The following ABCA4 variants were observed in gnomAD, a reference collection of about 807,000 sequenced individuals.
The protein encoded by ABCA4 is retinal-specific phospholipid-transporting ATPase ABCA4.
In ABCA4, 196 loss-of-function variants were observed where a neutral mutation model predicts 263.7. The ratio of observed to expected loss-of-function variants is 0.74; its 90% CI spans 0.66 to 0.84. ABCA4 has a LOEUF of 0.84. ABCA4 is among the 40% of genes least tolerant of loss of function. ABCA4 has a pLI of 0.00. For synonymous variants in ABCA4, 1,133 were observed against 1,094.2 expected, an observed-to-expected ratio of 1.04 and a Z score of -0.70; for missense variants, 2,792 against 2,855.1, an observed-to-expected ratio of 0.98 and a Z score of 0.50.
chr1:94,032,146 T>A, intron 26 of ABCA4, 103 bp from the exon 27 acceptor site: 1 of 1,410,342 alleles, frequency 7.1e-7, no homozygotes, highest in Non-Finnish European at 9.9e-7. Flanking sequence ...CCTCTTCATT[T>A]AAGTCAGCAA....
At position 94,014,721 on chromosome 1, in the gene ABCA4, G is replaced by A. The variant is rs946393603; in HGVS notation, c.5313-31C>T. The A allele has an allele frequency of 1.9e-6, 3 of 1,613,798 alleles. No individual in the cohort carries two copies. The African/African-American group carries it at 4.0e-5, about 22-fold the overall frequency. ...TGAAATGAGACAACTCAGAGTGATG[G>A]AGTTCCACATTCCATTCCACCTACA... On this transcript the variant is annotated intron_variant, in intron 37 of 49. Transcript: ENST00000370225.
At chr1:94,078,736 C>T (rs1461608400) in intron 9 of ABCA4, 30 bp from the exon 10 acceptor site, 2 of 1,493,170 alleles carry the variant, frequency 1.3e-6, no homozygotes, top group South Asian at 1.1e-5. Context: ...AAGACAGAGA[C>T]ACGAACAGAG....
chr1:94,026,265 C>G (rs1472766265), intron 30 of ABCA4, among the ~76,000 whole-genome samples: 2 of 152,226 alleles, frequency 1.3e-5, no homozygotes, highest in African/African-American at 4.8e-5. Flanking sequence ...TCACTCTTTT[C>G]ACCTTGTTTC....
chr1:93,996,165 C>T lies in ABCA4; in HGVS notation c.6760G>A (p.Glu2254Lys). ...GGGTGCAGAGGGAGGTCATGACTTT[C>T]AGTCTGCTGTTTAGCAAAATTTACA... Reference protein sequence around the residue: ...VFVNFAKQQTESHDLPLHPRA... With the variant: ...VFVNFAKQQTKSHDLPLHPRA... The change falls in exon 49 of 50, where the codon GAA (glutamate) becomes AAA (lysine). Residue 2254 changes from glutamate to lysine, a missense_variant. Physicochemically the swap from Glu to Lys is moderately conservative, Grantham distance 56 (BLOSUM62 1). Coordinates refer to ENST00000370225, the MANE Select transcript of ABCA4 (RefSeq NM_000350.3). The T allele has an allele frequency of 6.2e-7, 1 of 1,614,056 alleles. No homozygotes were observed. The highest frequency in any genetic ancestry group is 8.5e-7 in the Non-Finnish European group (1 of 1,180,034).
At chr1:94,053,689 A>C (rs1181366871) in intron 16 of ABCA4, among the ~76,000 whole-genome samples, 1 of 152,248 alleles carries the variant, frequency 6.6e-6, no homozygotes, top group Non-Finnish European at 1.5e-5. Flanking sequence ...TTTCAGAGGG[A>C]GCATGGCCCT....
At chr1:94,031,686 T>A (rs1419065375) in intron 27 of ABCA4, 92 bp downstream of exon 27, 1 of 1,546,768 alleles carries the variant, frequency 6.5e-7, no homozygotes, top group African/African-American at 1.4e-5. Flanking sequence ...CTTGCTGAGT[T>A]ATAACCCATG....
At chr1:94,008,361 G>T in intron 41 of ABCA4, 64 bp from the exon 42 acceptor site, 1 of 1,516,806 alleles carries the variant, frequency 6.6e-7, no homozygotes, top group Non-Finnish European at 9.2e-7. Context: ...GGGGAAGAGG[G>T]AACAAAGAGC....
intron 11 of ABCA4, among the ~76,000 whole-genome samples, chr1:94,072,616 A>G (rs539461467): frequency 1.2e-4 from 18 of 152,350 alleles, no homozygotes; most frequent in African/African-American, 3.6e-4. Flanking sequence ...AAAGACACAT[A>G]TAAATTAGAA....
At chr1:94,088,813 A>G (rs1044928078) in intron 6 of ABCA4, among the ~76,000 whole-genome samples, 1 of 149,266 alleles carries the variant, frequency 6.7e-6, no homozygotes, top group South Asian at 2.1e-4. Context: ...ACCAGGTCCT[A>G]GATAATAGGA....
chr1:93,999,906 T>C (rs1400010238), intron 47 of ABCA4, among the ~76,000 whole-genome samples: 3 of 152,236 alleles, frequency 2.0e-5, no homozygotes, highest in Non-Finnish European at 4.4e-5. Flanking sequence ...GCTATTTCTA[T>C]AGATATCTAT....
rs773281968 is a variant in ABCA4, at chr1:94,056,784, G to T, written c.2199C>A (p.Leu733=). 1.9e-6 allele frequency: 3 copies of T among 1,612,194 alleles called. No individual in the cohort carries two copies. The highest frequency in any genetic ancestry group is 2.5e-6 in the Non-Finnish European group (3 of 1,179,032). ...RILHYSDPFI[L]FLFLLAFSTA... ...TGGAGAAAGCCAACAAGAACAGGAA[G>T]AGGATGAATGGGTCGCTGTAATGTA... The change falls in exon 15 of 50, where the codon CTC becomes CTA. Residue 733 remains leucine (L), a synonymous_variant. Coordinates refer to ENST00000370225, the MANE Select transcript of ABCA4 (RefSeq NM_000350.3).
chr1:94,004,027 T>G (rs1301986183), intron 44 of ABCA4, among the ~76,000 whole-genome samples: 1 of 152,206 alleles, frequency 6.6e-6, no homozygotes, highest in Non-Finnish European at 1.5e-5. Flanking sequence ...GCCCTGGAAC[T>G]TATCATTTAT....
rs61753038 is a variant in ABCA4 at position 94,005,470 on chromosome 1, G to A, written c.6118C>T (p.Arg2040Ter). The A allele has an allele frequency of 6.8e-6, 11 of 1,613,982 alleles. No individual in the cohort carries two copies. Among genetic ancestry groups the A allele is most frequent in the East Asian group, 4.5e-5 (2 of 44,900 alleles). ...REHLYLYARL[R>*]GVPAEEIEKV... The stretch of plus-strand genomic sequence containing the variant: ...TCGATTTCTTCTGCTGGTACACCTC[G>A]AAGCCGGGCATAAAGGTAAAGATGT... The change falls in exon 44 of 50, where the codon CGA (arginine) becomes TGA (stop). Residue 2040 changes from arginine (R) to a stop codon, truncating the protein, a stop_gained. Transcript: ENST00000370225. LOFTEE classifies it high-confidence loss of function.
intron 45 of ABCA4, 105 bp from the exon 46 acceptor site, chr1:94,001,210 C>T (rs1032500356): frequency 3.8e-5 from 33 of 867,750 alleles, no homozygotes; most frequent in Middle Eastern, 3.3e-4. Flanking sequence ...TGACAGAAGG[C>T]GCACACAGTC....
At chr1:94,109,826 G>A (rs183728361) in intron 3 of ABCA4, among the ~76,000 whole-genome samples, 106 of 152,300 alleles carry the variant, frequency 7.0e-4, no homozygotes, top group African/African-American at 2.4e-3. Context: ...ATGGGTTTCC[G>A]TGCCTTGCAA....
At chr1:94,023,708 C>T (rs1659965213) in intron 31 of ABCA4, among the ~76,000 whole-genome samples, 1 of 152,196 alleles carries the variant, frequency 6.6e-6, no homozygotes, top group African/African-American at 2.4e-5. Flanking sequence ...TATGCCTGAT[C>T]TGGACCCAGA....
rs1801666 is a variant in ABCA4, at chr1:94,031,046, G to T, written c.4203C>A (p.Pro1401=). 0.031 allele frequency: 49,950 copies of T among 1,614,092 alleles called. 920 individuals carry two copies. Among genetic ancestry groups the T allele is most frequent in the Non-Finnish European group, 0.037 (44,037 of 1,179,998 alleles). Residue 1401 remains proline (P), a synonymous_variant, in exon 28 of 50, where the codon CCC becomes CCA. Transcript: ENST00000370225. Reference sequence around the variant, plus strand: ...ATATCCAGGGGTGAAGGGTCAAAGCGGGGTATTCGCCAAAAGGAGGGATAA... The same window carrying T: ...ATATCCAGGGGTGAAGGGTCAAAGCTGGGTATTCGCCAAAAGGAGGGATAA... The part of the protein sequence containing the change: ...SIVIPPFGEY[P]ALTLHPWIYG...
intron 6 of ABCA4, among the ~76,000 whole-genome samples, chr1:94,086,550 T>A (rs1204026105): frequency 6.6e-6 from 1 of 152,174 alleles, no homozygotes; most frequent in African/African-American, 2.4e-5. Flanking sequence ...TAGGCTGTTT[T>A]TTTTTTTTAA....
intron 20 of ABCA4, 86 bp downstream of exon 20, chr1:94,044,527 C>A: frequency 1.2e-6 from 2 of 1,604,280 alleles, no homozygotes; most frequent in Non-Finnish European, 1.7e-6. Flanking sequence ...CCAGGCCTGG[C>A]ACCCCTGAGC....
Sources: allele counts gnomAD v4.1 joint callset (sites outside exome capture counted in the v4.1 genomes callset), GRCh38; gene constraint gnomAD v4.1.1; transcripts MANE v1.5; gene names NCBI Gene and HGNC (gene_info 2026-07-23, HGNC 2026-07-21).